Variants in MEIOSIN observed in about 807,000 individuals in gnomAD.
The protein encoded by MEIOSIN is meiosis initiator, also known as meiosis initiator protein.
Under a neutral mutation model 23.4 loss-of-function variants are expected in MEIOSIN, and 18 were observed. The ratio of observed to expected loss-of-function variants is 0.77; its 90% CI spans 0.53 to 1.14. The LOEUF is 1.14. Among genes scored for constraint, MEIOSIN ranks in the 50% most tolerant of loss-of-function variants. The pLI is 0.00. For missense variants in MEIOSIN, 428 were observed against 242.9 expected (o/e 1.76, Z -5.07); for synonymous variants, 187 against 100.6 (o/e 1.86, Z -5.14).
intron 3 of MEIOSIN, among the ~76,000 whole-genome samples, chr19:45,741,439 TG>T (rs897980496): frequency 6.6e-6 from 1 of 152,242 alleles, no homozygotes; most frequent in African/African-American, 2.4e-5. Context: ...ATTTATTTTT[TG>T]TTCTAATTTA....
chr19:45,749,353 C>G (rs1968648359), intron 4 of MEIOSIN, among the ~76,000 whole-genome samples: 1 of 117,572 alleles, frequency 8.5e-6, no homozygotes, highest in South Asian at 2.7e-4. Flanking sequence ...GCCTGGCCAA[C>G]AGAGCAAGAG....
intron 3 of MEIOSIN, among the ~76,000 whole-genome samples, chr19:45,742,961 A>G (rs1429292406): frequency 6.6e-6 from 1 of 152,204 alleles, no homozygotes; most frequent in Admixed American, 6.5e-5. Context: ...AGCTGGGATT[A>G]GTGGATGCAA....
At chr19:45,750,889 G>T (rs1968690919) in intron 5 of MEIOSIN, 103 bp downstream of exon 5, 1 of 427,562 alleles carries the variant, frequency 2.3e-6, no homozygotes, top group South Asian at 4.9e-5. Context: ...TGGTATAGGG[G>T]ACAAAGAGAG....
At chr19:45,741,156 T>C (rs1968498189) in intron 3 of MEIOSIN, among the ~76,000 whole-genome samples, 1 of 152,112 alleles carries the variant, frequency 6.6e-6, no homozygotes, top group Non-Finnish European at 1.5e-5. Flanking sequence ...GAGACCAGTC[T>C]GGCCAACATG....
intron 4 of MEIOSIN, among the ~76,000 whole-genome samples, chr19:45,749,654 A>C (rs1489242311): frequency 6.2e-5 from 9 of 145,902 alleles, no homozygotes; most frequent in Non-Finnish European, 1.4e-4. Context: ...CCTGGGCGAC[A>C]GAACAAGATT....
At position 45,755,693 on chromosome 19, in the gene MEIOSIN, G is replaced by A. The variant is rs1418842300; in HGVS notation, c.803-277G>A. On this transcript the variant is annotated intron_variant, in intron 7 of 14. Transcript: ENST00000457052. ...TGAACTCCTGACCTCGTGATCCACC[G>A]CCTCAGCCTCCCAAAGTGCAGGGGT... Among the ~76,000 whole-genome samples the A allele has an allele frequency of 5.9e-5, 9 of 151,888 alleles. No homozygotes were observed. The East Asian group carries it at 1.4e-3, about 23-fold the overall frequency.
chr19:45,746,871 C>T (rs1448393532), intron 4 of MEIOSIN, among the ~76,000 whole-genome samples: 1 of 151,940 alleles, frequency 6.6e-6, no homozygotes. Flanking sequence ...CTGCAAAGTC[C>T]TTTCTTTCTG....
intron 1 of MEIOSIN, among the ~76,000 whole-genome samples, chr19:45,734,581 G>C (rs1217441952): frequency 6.6e-6 from 1 of 151,694 alleles, no homozygotes; most frequent in Non-Finnish European, 1.5e-5. Context: ...TTAGCTCACT[G>C]CAGCCTTGAC....
At chr19:45,737,175 C>G (rs978542047) in intron 2 of MEIOSIN, among the ~76,000 whole-genome samples, 1 of 140,664 alleles carries the variant, frequency 7.1e-6, no homozygotes, top group Non-Finnish European at 1.6e-5. Flanking sequence ...GGCTTCTTTC[C>G]TTTTTTTTTT....
In MEIOSIN at chr19:45,757,235, G is replaced by C; in HGVS notation, c.970G>C (p.Asp324His). ...EDVDKGSLDA[D>H]PWLPAWTPEN... is the part of the protein sequence containing the mutation. ...TGTGGACAAAGGGTCCCTAGACGCT[G>C]ACCCTTGGCTCCCTGCCTGGACCCC... is the stretch of plus-strand genomic sequence containing the variant. Residue 324 changes from aspartate (D) to histidine (H), a missense_variant, in exon 9 of 15, where the codon GAC becomes CAC. Transcript: ENST00000457052. 1.4e-6 allele frequency: 1 copy of C among 702,990 alleles called. No individual in the cohort carries two copies. 43.5% of individuals were successfully genotyped at this position (702,990 alleles called of 1,614,324 possible).
rs1024383867 is a variant in MEIOSIN, at chr19:45,750,927, G to A, written c.418+141G>A. The A allele has an allele frequency of 1.3e-5, 5 of 390,536 alleles. 1 individual carries two copies. In the South Asian group the frequency reaches 2.2e-4, roughly 17 times the overall value. The allele number at this position is 390,536 out of a possible 1,614,324, so 24.2% of individuals were successfully genotyped here. ...ATGCAAGATGCCTCAGAGAAGAGGG[G>A]CCTTGGAGCTGGGCCTTCAGGACTG... On this transcript the variant is annotated intron_variant, in intron 5 of 14. Transcript: ENST00000457052.
At chr19:45,754,946 G>C (rs540638683) in intron 7 of MEIOSIN, among the ~76,000 whole-genome samples, 1 of 152,270 alleles carries the variant, frequency 6.6e-6, no homozygotes, top group East Asian at 1.9e-4. Flanking sequence ...TCTTGTGTGG[G>C]CTTCCCATCA....
intron 4 of MEIOSIN, among the ~76,000 whole-genome samples, chr19:45,750,238 C>T (rs1447097758): frequency 6.8e-6 from 1 of 147,920 alleles, no homozygotes; most frequent in African/African-American, 2.5e-5. Context: ...AGTGCAGTGG[C>T]ATGATCTCAG....
rs1968823281 is a variant in MEIOSIN, at chr19:45,756,088, T to G, written c.911+10T>G. On this transcript the variant is annotated intron_variant, in intron 8 of 14. Coordinates refer to ENST00000457052, the MANE Select transcript of MEIOSIN (RefSeq NM_001310124.2). ...CCCAGCCCCATCCCAGGTAAGGGCG[T>G]CCCCAGGGCACTGAGTGAGTGGTGC... 1 of 702,414 alleles carries G rather than the reference T, an allele frequency of 1.4e-6. No homozygotes were observed. Among genetic ancestry groups the G allele is most frequent in the Non-Finnish European group, 2.6e-6 (1 of 384,906 alleles). The allele number at this position is 702,414 out of a possible 1,614,324, so 43.5% of individuals were successfully genotyped here. A position where few individuals can be genotyped will look rare whatever the true frequency, so the allele number is the denominator to read the frequency against.
Position 45,763,353 on chromosome 19 carries a change from C to T in MEIOSIN, c.1695C>T (p.Thr565=), listed in dbSNP as rs1044667626. ...RKQYIRSCPG[T]ASTAATKELA... is the part of the protein sequence containing the mutation. Reference sequence around the variant, plus strand: ...CCTGTCCCAGATCCTGCCCTGGAACCGCTTCCACAGCTGCCACCAAGGAGC... The same window carrying T: ...CCTGTCCCAGATCCTGCCCTGGAACTGCTTCCACAGCTGCCACCAAGGAGC... Residue 565 remains threonine (T), a synonymous_variant, in exon 14 of 15, where the codon ACC becomes ACT. Coordinates refer to ENST00000457052, the MANE Select transcript of MEIOSIN (RefSeq NM_001310124.2). 5.0e-5 allele frequency: 20 copies of T among 398,738 alleles called. No individual in the cohort carries two copies. The highest frequency in any genetic ancestry group is 1.4e-4 in the African/African-American group (7 of 48,612). The allele number at this position is 398,738 out of a possible 1,614,324, so 24.7% of individuals were successfully genotyped here.
At position 45,757,266 on chromosome 19, in the gene MEIOSIN, A is replaced by G. The variant is rs1373875659; in HGVS notation, c.1001A>G (p.Asn334Ser). ...TGGCTCCCTGCCTGGACCCCAGAGAACAGCCCCCAAGGTGACTGCAACTCT... is the reference window on the plus strand; with the variant it reads ...TGGCTCCCTGCCTGGACCCCAGAGAGCAGCCCCCAAGGTGACTGCAACTCT... ...DPWLPAWTPE[N>S]SPQGSPLFLG... is the part of the protein sequence containing the mutation. Residue 334 changes from asparagine to serine, a missense_variant, in exon 9 of 15, where the codon AAC becomes AGC. Coordinates refer to ENST00000457052, the MANE Select transcript of MEIOSIN (RefSeq NM_001310124.2). 2 of 702,666 alleles carry G rather than the reference A, an allele frequency of 2.8e-6. No homozygotes were observed. The highest frequency in any genetic ancestry group is 5.2e-6 in the Non-Finnish European group (2 of 384,858). The allele number at this position is 702,666 out of a possible 1,614,324, so 43.5% of individuals were successfully genotyped here.
At position 45,757,196 on chromosome 19, in the gene MEIOSIN, GATT is replaced by G; in HGVS notation, c.932_934del (p.Asp311_Ser312delinsAla). On this transcript the variant is annotated inframe_deletion, in exon 9 of 15. Coordinates refer to ENST00000457052, the MANE Select transcript of MEIOSIN (RefSeq NM_001310124.2). ...TTGCAGGCAGAAGCTGGTGTTCTAT[GATT>G]CCAGCGAGGATGTGGACAAAGGGTC... 1 of 702,914 alleles carries G rather than the reference GATT, an allele frequency of 1.4e-6. No individual in the cohort carries two copies. The highest frequency in any genetic ancestry group is 1.5e-5 in the South Asian group (1 of 67,560). The allele number at this position is 702,914 out of a possible 1,614,324, so 43.5% of individuals were successfully genotyped here. A position where few individuals can be genotyped will look rare whatever the true frequency, so the allele number is the denominator to read the frequency against.
At position 45,754,257 on chromosome 19, in the gene MEIOSIN, A is replaced by C. The variant is rs541133424; in HGVS notation, c.557-222A>C. On this transcript the variant is annotated intron_variant, in intron 6 of 14. Coordinates refer to ENST00000457052, the MANE Select transcript of MEIOSIN (RefSeq NM_001310124.2). ...CTCCCAAAGCGCTGGGATTACAAGC[A>C]TGAGCCACTGCGCCTGGCCAGTGTT... Among the ~76,000 whole-genome samples, 9 of 152,336 alleles carry C rather than the reference A, an allele frequency of 5.9e-5. No individual in the cohort carries two copies. The East Asian group carries it at 1.7e-3, about 29-fold the overall frequency.
At position 45,754,475 on chromosome 19, in the gene MEIOSIN, C is replaced by T. The variant is rs1463846955; in HGVS notation, c.557-4C>T. 1.4e-6 allele frequency: 1 copy of T among 700,788 alleles called. No homozygotes were observed. Among genetic ancestry groups the T allele is most frequent in the South Asian group, 1.5e-5 (1 of 67,490 alleles). 43.4% of individuals were successfully genotyped at this position (700,788 alleles called of 1,614,324 possible). A position where few individuals can be genotyped will look rare whatever the true frequency, so the allele number is the denominator to read the frequency against. On this transcript the variant is annotated splice_polypyrimidine_tract_variant and splice_region_variant and intron_variant, in intron 6 of 14. Coordinates refer to ENST00000457052, the MANE Select transcript of MEIOSIN (RefSeq NM_001310124.2). ...CTCTGACACCTGAACCTCTGCTCCC[C>T]CAGAAAGCCAGACTCGGACCCCGAA...
Sources: allele counts gnomAD v4.1 joint callset (sites outside exome capture counted in the v4.1 genomes callset), GRCh38; gene constraint gnomAD v4.1.1; transcripts MANE v1.5; gene names NCBI Gene and HGNC (gene_info 2026-07-23, HGNC 2026-07-21).